Variants in PDE7B observed in about 807,000 individuals in gnomAD.
The protein encoded by PDE7B is phosphodiesterase 7B, also known as 3',5'-cyclic-AMP phosphodiesterase 7B.
PDE7B carries 29 observed loss-of-function variants against 56.2 expected under a neutral mutation model. That is an observed-to-expected ratio of 0.52 (90% CI 0.38 to 0.70). The LOEUF is 0.70. PDE7B is among the 30% of genes least tolerant of loss of function. The pLI is 0.00. For synonymous variants in PDE7B, 197 were observed against 196.9 expected, an observed-to-expected ratio of 1.00 and a Z score of 0.00; for missense variants, 490 against 565.0, an observed-to-expected ratio of 0.87 and a Z score of 1.35.
chr6:136,076,857 C>T (rs943646161), intron 2 of PDE7B, among the ~76,000 whole-genome samples: 1 of 152,068 alleles, frequency 6.6e-6, no homozygotes, highest in African/African-American at 2.4e-5. Context: ...GTGTACTAAA[C>T]GACAGCACCT....
chr6:136,144,603 A>C (rs1329750861), intron 3 of PDE7B, among the ~76,000 whole-genome samples: 1 of 152,272 alleles, frequency 6.6e-6, no homozygotes, highest in Non-Finnish European at 1.5e-5. Context: ...AATGTCATTT[A>C]TGACATTTTT....
At chr6:136,138,581 A>G (rs557057254) in intron 3 of PDE7B, among the ~76,000 whole-genome samples, 1 of 152,150 alleles carries the variant, frequency 6.6e-6, no homozygotes, top group South Asian at 2.1e-4. Flanking sequence ...TTTTCTGGTT[A>G]GCTTTATGTA....
chr6:135,901,293 T>A (rs527615402), intron 1 of PDE7B, among the ~76,000 whole-genome samples: 1 of 152,250 alleles, frequency 6.6e-6, no homozygotes, highest in East Asian at 1.9e-4. Context: ...GCATAATAAA[T>A]CTAGGCATTC....
chr6:135,879,736 C>A (rs141826981), intron 1 of PDE7B, among the ~76,000 whole-genome samples: 46 of 152,108 alleles, frequency 3.0e-4, no homozygotes, highest in African/African-American at 1.1e-3. Context: ...ATATGAAGAC[C>A]AGACAAAACA....
intron 1 of PDE7B, among the ~76,000 whole-genome samples, chr6:135,855,208 G>C (rs545288431): frequency 7.2e-5 from 11 of 152,198 alleles, no homozygotes; most frequent in Admixed American, 3.3e-4. Flanking sequence ...TCTCAACCTA[G>C]AATTTTTTAA....
intron 2 of PDE7B, among the ~76,000 whole-genome samples, chr6:135,994,798 C>G (rs1019514902): frequency 1.3e-5 from 2 of 151,990 alleles, no homozygotes; most frequent in Non-Finnish European, 2.9e-5. Flanking sequence ...TTCGAGAATG[C>G]TAAGAATTAT....
At chr6:135,971,339 C>G (rs1775090632) in intron 2 of PDE7B, among the ~76,000 whole-genome samples, 2 of 152,192 alleles carry the variant, frequency 1.3e-5, no homozygotes, top group Non-Finnish European at 2.9e-5. Flanking sequence ...AGACTTCTAG[C>G]CTTCCCGAAC....
At chr6:135,967,660 T>C (rs1206556203) in intron 2 of PDE7B, among the ~76,000 whole-genome samples, 2 of 152,220 alleles carry the variant, frequency 1.3e-5, no homozygotes, top group Non-Finnish European at 2.9e-5. Flanking sequence ...TTAGGGTCTA[T>C]GTCCATAACT....
chr6:136,159,523 TC>T (rs1778668690), intron 8 of PDE7B, among the ~76,000 whole-genome samples: 1 of 152,186 alleles, frequency 6.6e-6, no homozygotes, highest in African/African-American at 2.4e-5. Context: ...TGCTATCGTT[TC>T]TTCAAGGGCC....
chr6:136,173,935 T>C (rs1442390585), intron 9 of PDE7B, 47 bp downstream of exon 9: 1 of 1,353,750 alleles, frequency 7.4e-7, no homozygotes, highest in Admixed American at 1.7e-5. Flanking sequence ...GCAGTAAAGA[T>C]AAGCCACTTT....
chr6:135,974,564 G>GA (rs1358057991), intron 2 of PDE7B, among the ~76,000 whole-genome samples: 1 of 152,260 alleles, frequency 6.6e-6, no homozygotes, highest in Non-Finnish European at 1.5e-5. Context: ...GGCTCAAACA[G>GA]AAAAAACTTG....
chr6:136,089,382 C>T (rs927001293), intron 2 of PDE7B, among the ~76,000 whole-genome samples: 2 of 152,104 alleles, frequency 1.3e-5, no homozygotes, highest in Non-Finnish European at 2.9e-5. Context: ...TAAATGGTTC[C>T]ATGCTATTAA....
chr6:136,156,162 AGTGTGTGTGTGT>A (rs10625572), intron 8 of PDE7B: 74 of 252,080 alleles, frequency 2.9e-4, no homozygotes, highest in Middle Eastern at 1.5e-3. Flanking sequence ...GAATGATCCA[AGTGTGTGTGTGT>A]GTGTGTGTGT....
chr6:136,067,698 G>A (rs1224640403), intron 2 of PDE7B, among the ~76,000 whole-genome samples: 2 of 152,116 alleles, frequency 1.3e-5, no homozygotes, highest in Non-Finnish European at 2.9e-5. Flanking sequence ...ATATAGATGT[G>A]GCTTCACATC....
intron 1 of PDE7B, among the ~76,000 whole-genome samples, chr6:135,922,727 A>G (rs1310748678): frequency 6.6e-6 from 1 of 152,226 alleles, no homozygotes; most frequent in African/African-American, 2.4e-5. Context: ...AAATCAAAGT[A>G]GTAAAATTAA....
intron 2 of PDE7B, among the ~76,000 whole-genome samples, chr6:135,959,742 T>A (rs1294842360): frequency 1.3e-5 from 2 of 151,020 alleles, no homozygotes; most frequent in East Asian, 3.9e-4. Context: ...TTAACAGACA[T>A]TTGGAATATC....
chr6:136,017,549 T>G (rs1036189980), intron 2 of PDE7B, among the ~76,000 whole-genome samples: 18 of 146,170 alleles, frequency 1.2e-4, no homozygotes, highest in Admixed American at 2.1e-4. Context: ...GTCCATGTGT[T>G]CTCATTGTTC....
Position 136,149,067 on chromosome 6 carries a change from T to G in PDE7B, c.319-20T>G. On this transcript the variant is annotated intron_variant, in intron 4 of 12. Coordinates refer to ENST00000308191, the MANE Select transcript of PDE7B (RefSeq NM_018945.4). ...TCCAGTGTGATTCATTTGCGTGCTG[T>G]TTTTTGTTTGCCTTTTCAGCATATG... 6.3e-7 allele frequency: 1 copy of G among 1,590,682 alleles called. No individual in the cohort carries two copies. The highest frequency in any genetic ancestry group is 1.3e-5 in the African/African-American group (1 of 74,554).
At chr6:136,064,380 C>G (rs578118167) in intron 2 of PDE7B, 1 of 152,182 alleles carries the variant, frequency 6.6e-6, no homozygotes, top group Non-Finnish European at 1.5e-5. Flanking sequence ...AAGCTACCCA[C>G]CTGCTTCTCT....
Sources: allele counts gnomAD v4.1 joint callset (sites outside exome capture counted in the v4.1 genomes callset), GRCh38; gene constraint gnomAD v4.1.1; transcripts MANE v1.5; gene names NCBI Gene and HGNC (gene_info 2026-07-23, HGNC 2026-07-21).